LPP: variants seen among roughly 807,000 people sequenced by gnomAD.
LPP encodes the protein lipoma-preferred partner.
A neutral mutation model predicts 60.4 loss-of-function variants in LPP; 38 were observed. The observed-to-expected ratio is 0.63, with a 90% CI of 0.49 to 0.83. LPP has a LOEUF of 0.83. Ranked by LOEUF, LPP falls within the 40% of genes least tolerant of loss-of-function variation. The probability of loss-of-function intolerance (pLI) is 0.00; values close to 1 mark genes in which losing one functional copy is unlikely to be tolerated. For synonymous variants in LPP, 328 were observed against 290.8 expected, an observed-to-expected ratio of 1.13 and a Z score of -1.30; for missense variants, 902 against 783.6, an observed-to-expected ratio of 1.15 and a Z score of -1.80.
intron 9 of LPP, among the ~76,000 whole-genome samples, chr3:188,819,025 GTCGTGTGT>G (rs1465614564): frequency 8.1e-6 from 1 of 123,424 alleles, no homozygotes; most frequent in African/African-American, 3.4e-5. Flanking sequence ...ACTCATGGGG[GTCGTGTGT>G]GTGTGTGTGT....
chr3:188,616,725 A>G (rs912290487), intron 7 of LPP, among the ~76,000 whole-genome samples: 1 of 152,136 alleles, frequency 6.6e-6, no homozygotes, highest in African/African-American at 2.4e-5. Flanking sequence ...TGGGTTTTTC[A>G]ATCCATGAAG....
chr3:188,198,888 C>T (rs1318807759), intron 1 of LPP, among the ~76,000 whole-genome samples: 2 of 152,106 alleles, frequency 1.3e-5, no homozygotes, highest in African/African-American at 4.8e-5. Flanking sequence ...GGCTTTGTTC[C>T]AATTGTTTAT....
At chr3:188,428,281 C>T (rs1412574190) in intron 4 of LPP, among the ~76,000 whole-genome samples, 1 of 152,134 alleles carries the variant, frequency 6.6e-6, no homozygotes, top group Non-Finnish European at 1.5e-5. Flanking sequence ...AAGCTGAGTA[C>T]TTCAGTTGGA....
chr3:188,804,604 A>G (rs957749277), intron 9 of LPP, among the ~76,000 whole-genome samples: 3 of 152,068 alleles, frequency 2.0e-5, no homozygotes, highest in Middle Eastern at 3.4e-3. Context: ...TTGTACCCCC[A>G]AATATATAAA....
At chr3:188,398,438 G>A (rs528516165) in intron 3 of LPP, among the ~76,000 whole-genome samples, 1 of 152,328 alleles carries the variant, frequency 6.6e-6, no homozygotes, top group African/African-American at 2.4e-5. Flanking sequence ...CTATATAAAG[G>A]TTTGGCATTT....
chr3:188,713,318 T>C (rs537005571), intron 8 of LPP, among the ~76,000 whole-genome samples: 1 of 152,202 alleles, frequency 6.6e-6, no homozygotes, highest in Admixed American at 6.5e-5. Context: ...TAAAACACTA[T>C]TCTAGATTAA....
chr3:188,300,693 G>A (rs1020991488), intron 2 of LPP, among the ~76,000 whole-genome samples: 1 of 152,080 alleles, frequency 6.6e-6, no homozygotes, highest in Admixed American at 6.6e-5. Context: ...AAATAGATTG[G>A]TTGGTCTCCT....
chr3:188,503,820 T>A (rs1277394882), intron 5 of LPP, among the ~76,000 whole-genome samples: 1 of 152,178 alleles, frequency 6.6e-6, no homozygotes, highest in Admixed American at 6.5e-5. Flanking sequence ...TTATTGAGGA[T>A]CCCTTGTATG....
chr3:188,156,050 G>A (rs1657299941), intron 1 of LPP, among the ~76,000 whole-genome samples: 1 of 152,038 alleles, frequency 6.6e-6, no homozygotes, highest in South Asian at 2.1e-4. Flanking sequence ...AAACAAAGGA[G>A]AGTGTGCATT....
intron 7 of LPP, among the ~76,000 whole-genome samples, chr3:188,699,547 A>C (rs750155184): frequency 4.6e-5 from 7 of 152,256 alleles, no homozygotes; most frequent in African/African-American, 1.7e-4. Context: ...ATCAACTGGG[A>C]TGAGTTTCAA....
intron 7 of LPP, among the ~76,000 whole-genome samples, chr3:188,613,471 C>T (rs537102089): frequency 7.0e-4 from 107 of 152,134 alleles, no homozygotes; most frequent in African/African-American, 2.1e-3. Flanking sequence ...AACTCATCTC[C>T]GTCAGCCTCA....
chr3:188,523,702 T>C (rs1260318151), intron 5 of LPP, among the ~76,000 whole-genome samples: 2 of 152,236 alleles, frequency 1.3e-5, no homozygotes, highest in Non-Finnish European at 2.9e-5. Context: ...CTTAGACAAG[T>C]CCAGTAGAAT....
intron 8 of LPP, among the ~76,000 whole-genome samples, chr3:188,718,500 C>T (rs1171813998): frequency 6.6e-6 from 1 of 152,026 alleles, no homozygotes; most frequent in South Asian, 2.1e-4. Flanking sequence ...ACAAAAGAAC[C>T]AAAGTTTTCT....
chr3:188,571,285 A>G (rs560367640), intron 6 of LPP, among the ~76,000 whole-genome samples: 157 of 152,170 alleles, frequency 1.0e-3, no homozygotes, highest in African/African-American at 3.5e-3. Context: ...AAATGCAATA[A>G]AAGTGTGTTT....
At chr3:188,850,126 A>T (rs568890334) in intron 9 of LPP, among the ~76,000 whole-genome samples, 1 of 152,230 alleles carries the variant, frequency 6.6e-6, no homozygotes, top group African/African-American at 2.4e-5. Context: ...TGCCTGAGTG[A>T]GTCTGATGTG....
At chr3:188,683,969 G>A (rs1456366563) in intron 7 of LPP, among the ~76,000 whole-genome samples, 1 of 152,214 alleles carries the variant, frequency 6.6e-6, no homozygotes, top group South Asian at 2.1e-4. Context: ...GGAAACCGGA[G>A]TGTTGTCATT....
intron 6 of LPP, chr3:188,568,637 G>A (rs1832775257): frequency 6.6e-6 from 1 of 151,970 alleles, no homozygotes; most frequent in South Asian, 2.1e-4. Context: ...AAGATCTGAG[G>A]AAGTTTCCTA....
At chr3:188,863,176 G>A (rs1435147768) in intron 9 of LPP, among the ~76,000 whole-genome samples, 1 of 152,024 alleles carries the variant, frequency 6.6e-6, no homozygotes, top group East Asian at 1.9e-4. Context: ...TTCTATTGTT[G>A]TTAATACTGA....
chr3:188,293,751 CATT>C (rs1746827792), intron 2 of LPP, among the ~76,000 whole-genome samples: 1 of 151,938 alleles, frequency 6.6e-6, no homozygotes, highest in Non-Finnish European at 1.5e-5. Flanking sequence ...ACCTTGAAAA[CATT>C]ATGGCAAAGT....
Sources: allele counts gnomAD v4.1 joint callset (sites outside exome capture counted in the v4.1 genomes callset), GRCh38; gene constraint gnomAD v4.1.1; transcripts MANE v1.5; gene names NCBI Gene and HGNC (gene_info 2026-07-23, HGNC 2026-07-21).